Variants in MAGI2 observed in about 807,000 individuals in gnomAD.
MAGI2 encodes the protein membrane-associated guanylate kinase, WW and PDZ domain-containing protein 2.
In MAGI2, 35 loss-of-function variants were observed where a neutral mutation model predicts 133.3. The ratio of observed to expected loss-of-function variants is 0.26; its 90% CI spans 0.20 to 0.35. MAGI2 has a LOEUF of 0.35. Among genes scored for constraint, MAGI2 ranks in the 10% least tolerant of loss-of-function variants. The pLI, the probability that MAGI2 is intolerant of heterozygous loss-of-function variation, is 1.00. For missense variants in MAGI2, 1,636 were observed against 1,863.4 expected (o/e 0.88, Z 2.25); for synonymous variants, 729 against 710.6 (o/e 1.03, Z -0.41).
chr7:78,463,546 C>T (rs1263971817), intron 6 of MAGI2, among the ~76,000 whole-genome samples: 1 of 152,170 alleles, frequency 6.6e-6, no homozygotes, highest in Non-Finnish European at 1.5e-5. Flanking sequence ...ATTAATTGTA[C>T]AGCCCTCATA....
intron 2 of MAGI2, among the ~76,000 whole-genome samples, chr7:78,830,142 T>C (rs551983408): frequency 1.2e-3 from 181 of 152,234 alleles, no homozygotes; most frequent in African/African-American, 3.9e-3. Flanking sequence ...TTCCAAGCAA[T>C]TTTATAGCAG....
intron 9 of MAGI2, among the ~76,000 whole-genome samples, chr7:78,329,000 G>A (rs539926238): frequency 2.7e-4 from 41 of 152,130 alleles, no homozygotes; most frequent in African/African-American, 8.9e-4. Context: ...TTTCATATAC[G>A]TAGTAGAATT....
At chr7:79,435,706 A>G (rs1848089672) in intron 1 of MAGI2, among the ~76,000 whole-genome samples, 1 of 152,174 alleles carries the variant, frequency 6.6e-6, no homozygotes, top group Non-Finnish European at 1.5e-5. Context: ...TACAGATTCA[A>G]TGCTATTCCT....
At chr7:78,387,841 G>C (rs764254268) in intron 6 of MAGI2, among the ~76,000 whole-genome samples, 1 of 152,010 alleles carries the variant, frequency 6.6e-6, no homozygotes, top group Admixed American at 6.6e-5. Flanking sequence ...TGGGAGGAGC[G>C]CTTAAGCCCA....
At chr7:79,235,901 A>G (rs1018077899) in intron 1 of MAGI2, among the ~76,000 whole-genome samples, 9 of 152,340 alleles carry the variant, frequency 5.9e-5, no homozygotes, top group African/African-American at 1.9e-4. Context: ...TCTTGGCAGT[A>G]CCAGACACAC....
At chr7:78,843,412 T>C (rs1284905112) in intron 2 of MAGI2, among the ~76,000 whole-genome samples, 1 of 151,930 alleles carries the variant, frequency 6.6e-6, no homozygotes, top group Non-Finnish European at 1.5e-5. Flanking sequence ...TTTGTTGAAT[T>C]CACTGGTTGT....
chr7:78,307,359 C>T (rs915192102), intron 9 of MAGI2, among the ~76,000 whole-genome samples: 1 of 152,122 alleles, frequency 6.6e-6, no homozygotes, highest in East Asian at 1.9e-4. Flanking sequence ...CTTTGTGGTA[C>T]AAAAGTACAA....
In MAGI2 at chr7:78,061,409, TACACACACACACAC is replaced by T. The variant is rs59531463; in HGVS notation, c.3706+17524_3706+17537del. On this transcript the variant is annotated intron_variant, in intron 21 of 21. Coordinates refer to ENST00000354212, the MANE Select transcript of MAGI2 (RefSeq NM_012301.4). ...TATGCTCACATCTGGGGACTGGTTGTACACACACACACACACACACACACACACACACACACACA... is the reference window on the plus strand; with the variant it reads ...TATGCTCACATCTGGGGACTGGTTGTACACACACACACACACACACACACA... 2.0e-3 allele frequency among the ~76,000 whole-genome samples: 281 copies of T among 139,784 alleles called. 1 individual carries two copies. The highest frequency in any genetic ancestry group is 0.013 in the South Asian group (54 of 4,218). 91.7% of individuals were successfully genotyped at this position (139,784 alleles called of 152,430 possible).
intron 2 of MAGI2, chr7:78,771,224 A>C (rs1825560039): frequency 6.7e-6 from 1 of 148,442 alleles, no homozygotes; most frequent in Non-Finnish European, 1.5e-5. Context: ...CCTTTCCCCA[A>C]CCCCCACCAG....
chr7:78,189,491 T>C (rs1828008551), intron 12 of MAGI2, among the ~76,000 whole-genome samples: 1 of 152,212 alleles, frequency 6.6e-6, no homozygotes, highest in Non-Finnish European at 1.5e-5. Flanking sequence ...ATAAGGCACA[T>C]TACACCATAC....
chr7:78,450,074 T>C (rs1788563704), intron 6 of MAGI2, among the ~76,000 whole-genome samples: 1 of 152,064 alleles, frequency 6.6e-6, no homozygotes. Context: ...AATTTTTTTT[T>C]TAAAATGTGA....
intron 3 of MAGI2, among the ~76,000 whole-genome samples, chr7:78,609,428 AAT>A (rs1806195183): frequency 6.6e-6 from 1 of 152,230 alleles, no homozygotes; most frequent in Non-Finnish European, 1.5e-5. Flanking sequence ...ACAGTTAACA[AAT>A]ACTATTACAT....
intron 6 of MAGI2, chr7:78,486,976 T>A (rs7802290): frequency 7.6e-6 from 4 of 524,636 alleles, no homozygotes; most frequent in Middle Eastern, 3.4e-4. Context: ...GCAGTGGAAA[T>A]CCCTGATCTG....
chr7:79,318,483 G>C (rs554460633), intron 1 of MAGI2, among the ~76,000 whole-genome samples: 1 of 152,134 alleles, frequency 6.6e-6, no homozygotes, highest in African/African-American at 2.4e-5. Context: ...TGAAATAATG[G>C]CCATCCTTTT....
At chr7:78,904,984 G>A (rs1008770651) in intron 2 of MAGI2, among the ~76,000 whole-genome samples, 1 of 152,068 alleles carries the variant, frequency 6.6e-6, no homozygotes, top group African/African-American at 2.4e-5. Flanking sequence ...CTGTCAAAGA[G>A]TATTGTTCCT....
intron 1 of MAGI2, among the ~76,000 whole-genome samples, chr7:79,355,537 C>T (rs543370547): frequency 1.3e-5 from 2 of 152,154 alleles, no homozygotes; most frequent in Non-Finnish European, 2.9e-5. Context: ...AAGTTCACTG[C>T]AACTGATCAG....
intron 3 of MAGI2, among the ~76,000 whole-genome samples, chr7:78,557,860 G>A (rs1159639803): frequency 1.3e-5 from 2 of 152,010 alleles, no homozygotes; most frequent in Admixed American, 6.6e-5. Flanking sequence ...AATTGAACAT[G>A]TACATGTAAG....
rs1441911185 is a variant in MAGI2 at position 79,002,733 on chromosome 7, C to T, written c.418+4357G>A. On this transcript the variant is annotated intron_variant, in intron 2 of 21. Transcript: ENST00000354212. ...CATTGAGAAACTGCACAATTGTCTTCTTAAGATGTAAGTTTTGTTACAGAA... is the reference window on the plus strand; with the variant it reads ...CATTGAGAAACTGCACAATTGTCTTTTTAAGATGTAAGTTTTGTTACAGAA... 2.0e-5 allele frequency among the ~76,000 whole-genome samples: 3 copies of T among 151,834 alleles called. No homozygotes were observed. The East Asian group carries it at 5.8e-4, about 29-fold the overall frequency.
intron 2 of MAGI2, among the ~76,000 whole-genome samples, chr7:78,900,034 G>C (rs1173189295): frequency 2.0e-5 from 3 of 152,150 alleles, no homozygotes; most frequent in Non-Finnish European, 4.4e-5. Context: ...TAAAGTGAAA[G>C]GGACCCAAAT....
Sources: gnomAD v4.1 joint callset for allele counts (sites outside exome capture counted in the v4.1 genomes callset) on GRCh38, gnomAD v4.1.1 for gene constraint, MANE v1.5 for transcripts, NCBI Gene and HGNC (gene_info 2026-07-23, HGNC 2026-07-21) for gene names.